The following PTK2 variants were observed in gnomAD, a reference collection of about 807,000 sequenced individuals.
PTK2 encodes the protein protein tyrosine kinase 2.
In PTK2, 45 loss-of-function variants were observed where a neutral mutation model predicts 150.1. That is an observed-to-expected ratio of 0.30 (90% CI 0.24 to 0.38). PTK2 has a LOEUF of 0.38. Among genes scored for constraint, PTK2 ranks in the 10% least tolerant of loss-of-function variants. The pLI is 1.00. For missense variants in PTK2, 919 were observed against 1,307.3 expected (o/e 0.70, Z 4.58); for synonymous variants, 432 against 449.2 (o/e 0.96, Z 0.48).
chr8:140,950,559 G>T (rs1294299677), intron 1 of PTK2, among the ~76,000 whole-genome samples: 1 of 152,214 alleles, frequency 6.6e-6, no homozygotes, highest in Non-Finnish European at 1.5e-5. Context: ...CCCTTGGCAG[G>T]TGTGGGATCC....
chr8:140,756,984 G>A (rs1187303335), intron 16 of PTK2, among the ~76,000 whole-genome samples: 19 of 147,822 alleles, frequency 1.3e-4, no homozygotes, highest in Non-Finnish European at 2.2e-4. Flanking sequence ...GCGATACTCC[G>A]TCTCAAAAAA....
At chr8:140,970,835 A>G (rs1284483807) in intron 1 of PTK2, among the ~76,000 whole-genome samples, 2 of 151,680 alleles carry the variant, frequency 1.3e-5, no homozygotes, top group Non-Finnish European at 2.9e-5. Context: ...TAACTTAACC[A>G]TGTTAAGTTG....
chr8:140,969,062 C>A (rs1487860898), intron 1 of PTK2, among the ~76,000 whole-genome samples: 1 of 152,132 alleles, frequency 6.6e-6, no homozygotes, highest in Non-Finnish European at 1.5e-5. Flanking sequence ...TTGAAAGCAA[C>A]TAGAAAGCCT....
chr8:140,738,033 A>G (rs765066414), intron 21 of PTK2, among the ~76,000 whole-genome samples: 15 of 152,250 alleles, frequency 9.9e-5, no homozygotes, highest in Non-Finnish European at 2.2e-4. Flanking sequence ...ATAAGAACAC[A>G]TACTGGATCA....
At chr8:140,849,929 G>A (rs113799184) in intron 5 of PTK2, among the ~76,000 whole-genome samples, 1 of 152,126 alleles carries the variant, frequency 6.6e-6, no homozygotes, top group Non-Finnish European at 1.5e-5. Flanking sequence ...TTCTCTACTA[G>A]AATGAAGATT....
chr8:140,768,718 T>C (rs1043504694), intron 14 of PTK2, among the ~76,000 whole-genome samples: 1 of 152,230 alleles, frequency 6.6e-6, no homozygotes, highest in Non-Finnish European at 1.5e-5. Context: ...CAGAAAGCTC[T>C]AGATGAATTG....
At chr8:140,677,574 A>G (rs2100014644) in intron 27 of PTK2, among the ~76,000 whole-genome samples, 1 of 152,254 alleles carries the variant, frequency 6.6e-6, no homozygotes, top group African/African-American at 2.4e-5. Flanking sequence ...GATATAACCT[A>G]AGACACTTTA....
chr8:140,807,883 G>T (rs1293171138), intron 10 of PTK2, among the ~76,000 whole-genome samples: 1 of 152,198 alleles, frequency 6.6e-6, no homozygotes, highest in Non-Finnish European at 1.5e-5. Context: ...AGTAGATGAG[G>T]ACTCAGAATT....
At chr8:140,708,554 A>T (rs2100035070) in intron 23 of PTK2, among the ~76,000 whole-genome samples, 1 of 152,078 alleles carries the variant, frequency 6.6e-6, no homozygotes, top group Non-Finnish European at 1.5e-5. Context: ...AGGGTGAAAA[A>T]TCCTTCCTTT....
chr8:140,744,789 G>GAAAAAAAA (rs372806706), intron 18 of PTK2, 22 bp from the exon 22 acceptor site: 44 of 668,236 alleles, frequency 6.6e-5, no homozygotes, highest in Middle Eastern at 4.0e-4. Flanking sequence ...ATGACCAAAA[G>GAAAAAAAA]AAAAAAAAAA....
chr8:140,846,562 G>C (rs188788034), intron 6 of PTK2, 37 bp downstream of exon 6: 230 of 1,459,950 alleles, frequency 1.6e-4, no homozygotes, highest in Non-Finnish European at 2.0e-4. Context: ...TTAAAAAATT[G>C]ATAAATAAAG....
chr8:140,993,979 C>T (rs928618410), intron 1 of PTK2, among the ~76,000 whole-genome samples: 1 of 152,122 alleles, frequency 6.6e-6, no homozygotes, highest in Non-Finnish European at 1.5e-5. Context: ...ATCTGTCCAC[C>T]TCGGCTTCCC....
chr8:140,673,819 G>A (rs1258939255), intron 29 of PTK2, among the ~76,000 whole-genome samples: 2 of 152,290 alleles, frequency 1.3e-5, no homozygotes, highest in Non-Finnish European at 2.9e-5. Flanking sequence ...CCCTTGGTTT[G>A]AGGATGGCTC....
chr8:140,721,146 A>G (rs770877737), intron 22 of PTK2, among the ~76,000 whole-genome samples: 1 of 152,036 alleles, frequency 6.6e-6, no homozygotes, highest in Non-Finnish European at 1.5e-5. Flanking sequence ...TGCGTTCCAG[A>G]GTAACTGGGA....
intron 26 of PTK2, among the ~76,000 whole-genome samples, chr8:140,688,497 T>C (rs2100021288): frequency 6.6e-6 from 1 of 151,952 alleles, no homozygotes; most frequent in Non-Finnish European, 1.5e-5. Context: ...GGAGGACCCT[T>C]TGAGGCCAGG....
chr8:140,663,609 A>T (rs2084333875), intron 31 of PTK2, among the ~76,000 whole-genome samples: 1 of 152,226 alleles, frequency 6.6e-6, no homozygotes, highest in Admixed American at 6.5e-5. Flanking sequence ...TTGAAACAAA[A>T]TTGCCAAAAG....
At chr8:140,694,374 T>A (rs2100025188) in intron 26 of PTK2, among the ~76,000 whole-genome samples, 2 of 152,160 alleles carry the variant, frequency 1.3e-5, no homozygotes, top group African/African-American at 4.8e-5. Flanking sequence ...TATAGCAATT[T>A]GAAACAGTAA....
chr8:140,767,120 T>C (rs562177771), intron 14 of PTK2, among the ~76,000 whole-genome samples: 4 of 152,324 alleles, frequency 2.6e-5, no homozygotes, highest in African/African-American at 9.6e-5. Context: ...TCAGTAGAGA[T>C]ACCAACCTCT....
chr8:140,989,393 CA>C (rs1469597976), intron 1 of PTK2, among the ~76,000 whole-genome samples: 2 of 151,012 alleles, frequency 1.3e-5, no homozygotes, highest in Admixed American at 6.6e-5. Context: ...GACCCTATCT[CA>C]AAAAAACAAA....
Sources: gnomAD v4.1 joint callset for allele counts (sites outside exome capture counted in the v4.1 genomes callset) on GRCh38, gnomAD v4.1.1 for gene constraint, MANE v1.5 for transcripts, NCBI Gene and HGNC (gene_info 2026-07-23, HGNC 2026-07-21) for gene names.